Variants in ITGA11 observed in about 807,000 individuals in gnomAD.
ITGA11 encodes integrin alpha-11.
A neutral mutation model predicts 141.9 loss-of-function variants in ITGA11; 97 were observed. The observed-to-expected ratio is 0.68, with a 90% CI of 0.58 to 0.81. The LOEUF (loss-of-function observed/expected upper bound fraction) is 0.81, where lower values mean the gene tolerates loss of function less well. ITGA11 is among the 30% of genes least tolerant of loss of function. The pLI is 0.00. For missense variants in ITGA11, 1,387 were observed against 1,559.2 expected (o/e 0.89, Z 1.86); for synonymous variants, 658 against 624.6 (o/e 1.05, Z -0.80).
At chr15:68,399,508 T>C (rs1896412402) in intron 2 of ITGA11, among the ~76,000 whole-genome samples, 1 of 152,134 alleles carries the variant, frequency 6.6e-6, no homozygotes, top group African/African-American at 2.4e-5. Flanking sequence ...CATGCACTTG[T>C]ATGTTTTATC....
At chr15:68,344,511 C>T (rs3784345) in intron 10 of ITGA11, among the ~76,000 whole-genome samples, 57,135 of 151,960 alleles carry the variant, frequency 0.38, 11,189 homozygotes, top group Middle Eastern at 0.58. Flanking sequence ...GTGGGATGGG[C>T]ACAGGCTGAA....
intron 3 of ITGA11, among the ~76,000 whole-genome samples, chr15:68,368,840 C>T (rs1027398360): frequency 6.8e-6 from 1 of 147,754 alleles, no homozygotes; most frequent in African/African-American, 2.5e-5. Flanking sequence ...ATTTCAAAAT[C>T]AGGAAAAAGA....
rs1320775517 is a variant in ITGA11, at chr15:68,335,165, TTTTGGGGTTA to T, written c.1425+522_1425+531del. On this transcript the variant is annotated intron_variant, in intron 12 of 29. Coordinates refer to ENST00000315757, the MANE Select transcript of ITGA11 (RefSeq NM_001004439.2). The surrounding 1 kb of genome is among the most constrained non-coding windows in gnomAD (Gnocchi z 4.9). ...CTGGTTAGGAGGAGCCCAGGCCTGA[TTTTGGGGTTA>T]TTTGGGGTCAGGAGGTGGCATGATG... Among the ~76,000 whole-genome samples the T allele has an allele frequency of 6.6e-6, 1 of 151,786 alleles. No individual in the cohort carries two copies. Among genetic ancestry groups the T allele is most frequent in the Non-Finnish European group, 1.5e-5 (1 of 67,926 alleles).
intron 4 of ITGA11, among the ~76,000 whole-genome samples, chr15:68,363,276 G>T (rs527450734): frequency 6.6e-6 from 1 of 152,234 alleles, no homozygotes; most frequent in South Asian, 2.1e-4. Context: ...AGGCCCCAGA[G>T]AATATATCAC....
intron 15 of ITGA11, 78 bp downstream of exon 15, chr15:68,330,903 G>A (rs1017207211): frequency 1.2e-4 from 186 of 1,554,862 alleles, no homozygotes; most frequent in Non-Finnish European, 1.4e-4. Flanking sequence ...CAAAGATCCT[G>A]AAGCCTATCT....
chr15:68,338,856 A>G (rs74020488), intron 11 of ITGA11, among the ~76,000 whole-genome samples: 8,560 of 152,244 alleles, frequency 0.056, 731 homozygotes, highest in African/African-American at 0.18. Flanking sequence ...GACCCTGAAC[A>G]TCACCCCCCT....
At chr15:68,311,484 T>C (rs1595851559) in intron 24 of ITGA11, 81 bp from the exon 25 acceptor site, 1 of 952,666 alleles carries the variant, frequency 1.0e-6, no homozygotes, top group East Asian at 2.6e-5. Flanking sequence ...AACCAGCCCC[T>C]GGGGGTGGCA....
chr15:68,344,071 G>A (rs1347142447), intron 10 of ITGA11, among the ~76,000 whole-genome samples: 1 of 152,138 alleles, frequency 6.6e-6, no homozygotes, highest in Admixed American at 6.5e-5. Flanking sequence ...CCAGGAGTGG[G>A]CACTAGGGCA....
Position 68,301,347 on chromosome 15 carries a change from G to A in ITGA11, c.*1712C>T, listed in dbSNP as rs1432848886. On this transcript the variant is annotated 3_prime_UTR_variant, in exon 30 of 30. Coordinates refer to ENST00000315757, the MANE Select transcript of ITGA11 (RefSeq NM_001004439.2). This position sits in a 1 kb window ranked among gnomAD's most constrained non-coding sequence, Gnocchi z 4.4. ...TGGAGACGCCTTGGCTGATGTCAGAGTGTAAGACGGTTAACAATGAAACCG... is the reference window on the plus strand; with the variant it reads ...TGGAGACGCCTTGGCTGATGTCAGAATGTAAGACGGTTAACAATGAAACCG... 10 of 152,292 alleles carry A rather than the reference G, an allele frequency of 6.6e-5. No individual in the cohort carries two copies. Among genetic ancestry groups the A allele is most frequent in the Admixed American group, 4.6e-4 (7 of 15,290 alleles). The allele number at this position is 152,292 out of a possible 1,614,324, so 9.4% of individuals were successfully genotyped here.
chr15:68,355,742 T>C (rs1264200603), intron 7 of ITGA11, among the ~76,000 whole-genome samples: 2 of 149,908 alleles, frequency 1.3e-5, no homozygotes, highest in Admixed American at 1.3e-4. Context: ...CCACCGCACC[T>C]GGCCTAAATA....
chr15:68,327,120 C>T (rs532431410), intron 16 of ITGA11, among the ~76,000 whole-genome samples: 138 of 152,098 alleles, frequency 9.1e-4, no homozygotes, highest in African/African-American at 3.2e-3. Flanking sequence ...CTGCAGTCAA[C>T]AACCCCCTCC....
Position 68,326,771 on chromosome 15 carries a change from A to G in ITGA11, c.2094T>C (p.Asp698=). The change falls in exon 17 of 30, where the codon GAT becomes GAC. Residue 698 remains aspartate (D), a synonymous_variant. Coordinates refer to ENST00000315757, the MANE Select transcript of ITGA11 (RefSeq NM_001004439.2). The surrounding 1 kb of genome is among the most constrained non-coding windows in gnomAD (Gnocchi z 6.8). ...GGGCCCTCGGTGTATACCGCCTCTC[A>G]TCCATGGTGGCGTTGTATCTGATGC... The part of the protein sequence containing the change: ...TVGIRYNATM[D]ERRYTPRAHL... The G allele has an allele frequency of 6.3e-7, 1 of 1,581,580 alleles. No individual in the cohort carries two copies. Among genetic ancestry groups the G allele is most frequent in the Non-Finnish European group, 8.6e-7 (1 of 1,163,344 alleles).
rs1893221002 is a variant in ITGA11 at position 68,307,002 on chromosome 15, CAG to C, written c.3381+344_3381+345del. Among the ~76,000 whole-genome samples the C allele has an allele frequency of 6.6e-6, 1 of 152,226 alleles. No individual in the cohort carries two copies. The highest frequency in any genetic ancestry group is 2.4e-5 in the African/African-American group (1 of 41,448). ...AGACCTCACTTCTCGTTGGGTCTCA[CAG>C]AGTCTCACTCCTTTCCTGGACCCTG... On this transcript the variant is annotated intron_variant, in intron 28 of 29. Transcript: ENST00000315757. This position sits in a 1 kb window ranked among gnomAD's most constrained non-coding sequence, Gnocchi z 6.1.
In ITGA11 at chr15:68,328,217, T is replaced by A; in HGVS notation, c.1947A>T (p.Pro649=). 1 of 1,613,846 alleles carries A rather than the reference T, an allele frequency of 6.2e-7. No individual in the cohort carries two copies. Among genetic ancestry groups the A allele is most frequent in the South Asian group, 1.1e-5 (1 of 91,074 alleles). Residue 649 remains proline (P), a synonymous_variant, in exon 16 of 30, where the codon CCA becomes CCT. Transcript: ENST00000315757. This position sits in a 1 kb window ranked among gnomAD's most constrained non-coding sequence, Gnocchi z 4.8. ...CTCTGTGGAAGATGTTGATCTTGGA[T>A]GGCTCAAAGTGGAGGCTGGCATTGA... The part of the protein sequence containing the change: ...VQINASLHFE[P]SKINIFHRDC...
chr15:68,417,486 G>A (rs1896914108), intron 1 of ITGA11, among the ~76,000 whole-genome samples: 1 of 151,902 alleles, frequency 6.6e-6, no homozygotes, highest in Non-Finnish European at 1.5e-5. Flanking sequence ...TTTCCAACTG[G>A]TCCCTCATTC....
Position 68,358,478 on chromosome 15 carries a change from T to C in ITGA11, c.580A>G (p.Ile194Val). The C allele has an allele frequency of 2.5e-6, 4 of 1,612,518 alleles. No individual in the cohort carries two copies. The highest frequency in any genetic ancestry group is 3.4e-6 in the Non-Finnish European group (4 of 1,179,412). ...CTCACCTGGATCTGCCCTGGGCCAA[T>C]GTAAAACTTTTTCAGGATGTTGATG... Reference protein sequence around the residue: ...FLINILKKFYIGPGQIQVGVV... With the variant: ...FLINILKKFYVGPGQIQVGVV... Residue 194 changes from isoleucine to valine, a missense_variant, in exon 6 of 30, where the codon ATT becomes GTT. Transcript: ENST00000315757.
chr15:68,331,334 C>A (rs1894150800), intron 14 of ITGA11, among the ~76,000 whole-genome samples: 1 of 152,102 alleles, frequency 6.6e-6, no homozygotes, highest in Non-Finnish European at 1.5e-5. Flanking sequence ...TAAAAGAGTT[C>A]CCCATTAAGT....
intron 2 of ITGA11, 141 bp downstream of exon 2, chr15:68,402,777 C>A (rs1221420648): frequency 4.9e-6 from 3 of 609,338 alleles, no homozygotes; most frequent in African/African-American, 1.8e-5. Flanking sequence ...AGTCTCTGAC[C>A]TGCTGGGACA....
chr15:68,344,470 C>T (rs1452375510), intron 10 of ITGA11, among the ~76,000 whole-genome samples: 1 of 152,158 alleles, frequency 6.6e-6, no homozygotes, highest in Admixed American at 6.5e-5. Context: ...CAATACCCTT[C>T]ATTGTCTAGA....
Sources: gnomAD v4.1 joint callset for allele counts (sites outside exome capture counted in the v4.1 genomes callset) on GRCh38, gnomAD v4.1.1 for gene constraint, Gnocchi (gnomAD v3.1) non-coding constraint, MANE v1.5 for transcripts, NCBI Gene and HGNC (gene_info 2026-07-23, HGNC 2026-07-21) for gene names.